Variants in HMCN1 observed in about 807,000 individuals in gnomAD.
HMCN1 encodes the protein hemicentin 1.
A neutral mutation model predicts 625.9 loss-of-function variants in HMCN1; 321 were observed. The observed-to-expected ratio is 0.51, with a 90% CI of 0.47 to 0.56. The LOEUF (loss-of-function observed/expected upper bound fraction) is 0.56. Ranked by LOEUF, HMCN1 falls within the 20% of genes least tolerant of loss-of-function variation. The pLI is 0.00. For missense variants in HMCN1, 6,588 were observed against 6,887.3 expected (o/e 0.96, Z 1.54); for synonymous variants, 2,425 against 2,417.6 (o/e 1.00, Z -0.09).
intron 1 of HMCN1, among the ~76,000 whole-genome samples, chr1:185,793,138 G>A (rs7414598): frequency 0.22 from 34,127 of 151,930 alleles, 4,235 homozygotes; most frequent in Non-Finnish European, 0.28. Context: ...TTGACATAGT[G>A]GTACTATATT....
intron 5 of HMCN1, among the ~76,000 whole-genome samples, chr1:185,911,316 GT>G (rs1666408001): frequency 6.6e-6 from 1 of 152,060 alleles, no homozygotes; most frequent in African/African-American, 2.4e-5. Flanking sequence ...TCTGCTAATT[GT>G]TATTCTCATT....
intron 1 of HMCN1, among the ~76,000 whole-genome samples, chr1:185,737,114 T>A (rs1444055227): frequency 2.0e-5 from 3 of 152,100 alleles, no homozygotes; most frequent in African/African-American, 7.2e-5. Context: ...GTGTGTATAA[T>A]CATTAAGAGT....
chr1:185,880,517 A>G (rs913610657), intron 4 of HMCN1, among the ~76,000 whole-genome samples: 2 of 152,154 alleles, frequency 1.3e-5, no homozygotes, highest in Admixed American at 6.5e-5. Context: ...GCAATAGCCA[A>G]CCACCAACTA....
chr1:185,977,924 A>G lies in HMCN1; in HGVS notation c.2509A>G (p.Arg837Gly). The G allele has an allele frequency of 6.2e-7, 1 of 1,613,480 alleles. No homozygotes were observed. The highest frequency in any genetic ancestry group is 1.3e-5 in the African/African-American group (1 of 75,008). ...RRLDNMPIFS[R>G]PFSVSSISQL... ...ATTAGACAACATGCCAATTTTCTCA[A>G]GACCTTTTTCAGTTAGTTCCATCAG... The change falls in exon 16 of 107, where the codon AGA becomes GGA. Residue 837 changes from arginine to glycine, a missense_variant. Physicochemically the swap from Arg to Gly is moderately radical, Grantham distance 125 (BLOSUM62 -2). Around this residue, in one of 3 missense-constraint regions of HMCN1, gnomAD observed 4,628 missense variants for 4,853.1 expected, o/e 0.95. Transcript: ENST00000271588.
At chr1:185,876,360 A>G (rs1663930576) in intron 4 of HMCN1, among the ~76,000 whole-genome samples, 1 of 152,056 alleles carries the variant, frequency 6.6e-6, no homozygotes, top group Non-Finnish European at 1.5e-5. Context: ...CAGTAGTGCT[A>G]TGATAAACAT....
At chr1:185,933,169 C>A (rs982621487) in intron 10 of HMCN1, among the ~76,000 whole-genome samples, 1 of 152,068 alleles carries the variant, frequency 6.6e-6, no homozygotes, top group Non-Finnish European at 1.5e-5. Context: ...GTGCTATTTT[C>A]TTTACAACGC....
At chr1:185,922,661 A>G (rs1225808973) in intron 7 of HMCN1, among the ~76,000 whole-genome samples, 162 bp downstream of exon 7, 2 of 152,188 alleles carry the variant, frequency 1.3e-5, no homozygotes, top group Non-Finnish European at 2.9e-5. Context: ...TCAAAGTGTA[A>G]TCCCAAGACC....
intron 34 of HMCN1, among the ~76,000 whole-genome samples, chr1:186,019,286 T>C (rs1412892140): frequency 6.6e-6 from 1 of 152,062 alleles, no homozygotes; most frequent in Admixed American, 6.6e-5. Flanking sequence ...CAAATATACA[T>C]GTGGATTACG....
At position 185,986,086 on chromosome 1, in the gene HMCN1, T is replaced by A. The variant is rs372928146; in HGVS notation, c.2936-1346T>A. Among the ~76,000 whole-genome samples the A allele has an allele frequency of 2.6e-5, 4 of 152,198 alleles. 1 individual carries two copies. Among genetic ancestry groups the A allele is most frequent in the East Asian group, 1.9e-4 (1 of 5,198 alleles). ...GACAGCATAGTTGAAAGATGAATAT[T>A]CCATGATGATTCTGAAAATTAATTT... On this transcript the variant is annotated intron_variant, in intron 19 of 106. Coordinates refer to ENST00000271588, the MANE Select transcript of HMCN1 (RefSeq NM_031935.3).
At chr1:186,084,980 GT>G (rs983055492) in intron 57 of HMCN1, among the ~76,000 whole-genome samples, 3 of 152,064 alleles carry the variant, frequency 2.0e-5, no homozygotes, top group Non-Finnish European at 2.9e-5. Flanking sequence ...TATTCCATAA[GT>G]TTTATACCTG....
rs755813796 is a variant in HMCN1, at chr1:186,123,032, G to A, written c.12311G>A (p.Gly4104Asp). 6.2e-7 allele frequency: 1 copy of A among 1,614,060 alleles called. No individual in the cohort carries two copies. Among genetic ancestry groups the A allele is most frequent in the Admixed American group, 1.7e-5 (1 of 60,004 alleles). Residue 4104 changes from glycine (G) to aspartate (D), a missense_variant, in exon 81 of 107, where the codon GGC (glycine) becomes GAC (aspartate). Physicochemically the swap from Gly to Asp is moderately conservative, Grantham distance 94 (BLOSUM62 -1). Coordinates refer to ENST00000271588, the MANE Select transcript of HMCN1 (RefSeq NM_031935.3). ...ATCACGTTATCCTGTGAAGCAGATG[G>A]CCTCCCTCCGCCTGACATTACATGG... ...KPITLSCEAD[G>D]LPPPDITWHK...
At chr1:186,146,698 C>A (rs1650337867) in intron 93 of HMCN1, among the ~76,000 whole-genome samples, 1 of 152,168 alleles carries the variant, frequency 6.6e-6, no homozygotes, top group African/African-American at 2.4e-5. Context: ...CCACTACCAT[C>A]AACAACTGTT....
chr1:186,069,874 C>T (rs761905), intron 51 of HMCN1, 98 bp downstream of exon 51: 425,829 of 772,350 alleles, frequency 0.55, 121,754 homozygotes, highest in African/African-American at 0.87. Context: ...TTTATACTCA[C>T]CATTAAAGAC....
chr1:186,011,162 C>A (rs1653978136), intron 30 of HMCN1, among the ~76,000 whole-genome samples: 2 of 152,136 alleles, frequency 1.3e-5, no homozygotes, highest in Non-Finnish European at 2.9e-5. Context: ...TCTCCTGCCT[C>A]AGCTTCCCGA....
At chr1:185,997,279 A>G (rs1652855712) in intron 24 of HMCN1, 150 bp from the exon 25 acceptor site, 2 of 681,300 alleles carry the variant, frequency 2.9e-6, no homozygotes, top group East Asian at 2.7e-5. Flanking sequence ...ACGTCTAGGT[A>G]GAAATGTTTG....
intron 4 of HMCN1, among the ~76,000 whole-genome samples, chr1:185,893,362 T>A (rs1665272164): frequency 6.6e-6 from 1 of 152,216 alleles, no homozygotes; most frequent in African/African-American, 2.4e-5. Context: ...AGCCTGAAAT[T>A]TATTTTACAA....
chr1:185,911,493 AT>A (rs1666417901), intron 5 of HMCN1, among the ~76,000 whole-genome samples, 180 bp from the exon 6 acceptor site: 1 of 152,152 alleles, frequency 6.6e-6, no homozygotes, highest in Non-Finnish European at 1.5e-5. Context: ...AATGTGTTTT[AT>A]TTTAGCCACA....
intron 11 of HMCN1, among the ~76,000 whole-genome samples, chr1:185,943,906 GGA>G (rs1668205202): frequency 6.6e-6 from 1 of 152,060 alleles, no homozygotes; most frequent in African/African-American, 2.4e-5. Context: ...TCATCACTCA[GGA>G]GATTCCAAGG....
chr1:186,075,073 T>A (rs1658726367), intron 53 of HMCN1, among the ~76,000 whole-genome samples, 182 bp downstream of exon 53: 1 of 152,150 alleles, frequency 6.6e-6, no homozygotes, highest in South Asian at 2.1e-4. Context: ...TTGCCTCTGT[T>A]ATTTTTATGT....
Sources: gnomAD v4.1 joint callset for allele counts (sites outside exome capture counted in the v4.1 genomes callset) on GRCh38, gnomAD v4.1.1 for gene constraint, gnomAD v4.1.1 regional missense constraint, MANE v1.5 for transcripts, NCBI Gene and HGNC (gene_info 2026-07-23, HGNC 2026-07-21) for gene names.